The following MDGA2 variants were observed in gnomAD, a reference collection of about 807,000 sequenced individuals.
The protein encoded by MDGA2 is MAM domain containing glycosylphosphatidylinositol anchor 2, also known as MAM domain-containing glycosylphosphatidylinositol anchor protein 2.
A neutral mutation model predicts 117.8 loss-of-function variants in MDGA2; 40 were observed. That is an observed-to-expected ratio of 0.34 (90% CI 0.26 to 0.44). The LOEUF (loss-of-function observed/expected upper bound fraction) is 0.44. Among genes scored for constraint, MDGA2 ranks in the 20% least tolerant of loss-of-function variants. The pLI, the probability that MDGA2 is intolerant of heterozygous loss-of-function variation, is 1.00. For missense variants in MDGA2, 1,123 were observed against 1,250.6 expected (o/e 0.90, Z 1.54); for synonymous variants, 452 against 439.0 (o/e 1.03, Z -0.37).
intron 1 of MDGA2, among the ~76,000 whole-genome samples, chr14:47,374,875 C>T (rs1307218142): frequency 6.6e-6 from 1 of 151,974 alleles, no homozygotes; most frequent in Non-Finnish European, 1.5e-5. Context: ...AAACTCATTA[C>T]TTATCCAAGT....
intron 6 of MDGA2, among the ~76,000 whole-genome samples, chr14:47,073,528 A>G (rs1186193244): frequency 1.3e-5 from 2 of 152,360 alleles, no homozygotes; most frequent in East Asian, 3.9e-4. Context: ...GAGCACTCAC[A>G]GCATGTCTAT....
chr14:47,558,467 A>G (rs945635112), intron 1 of MDGA2, among the ~76,000 whole-genome samples: 1 of 152,248 alleles, frequency 6.6e-6, no homozygotes, highest in African/African-American at 2.4e-5. Flanking sequence ...TTGTACCTCA[A>G]CAAATGAAGA....
In MDGA2 at chr14:47,023,867, GTCATTAT is replaced by G. The variant is rs570768957; in HGVS notation, c.1819+11137_1819+11143del. 4.6e-5 allele frequency among the ~76,000 whole-genome samples: 7 copies of G among 152,036 alleles called. No homozygotes were observed. The East Asian group carries it at 1.4e-3, about 30-fold the overall frequency. ...GATCTGCTTAGCAATGACAGTTTGA[GTCATTAT>G]ATTGCCAAGCAAGAGAGTATAGAGT... is the stretch of plus-strand genomic sequence containing the variant. On this transcript the variant is annotated intron_variant, in intron 8 of 16. Transcript: ENST00000399232.
intron 8 of MDGA2, among the ~76,000 whole-genome samples, chr14:46,969,790 A>AG (rs1886184523): frequency 6.6e-6 from 1 of 151,202 alleles, no homozygotes; most frequent in African/African-American, 2.4e-5. Context: ...GTTGTGGGGT[A>AG]GGGGGAAGGG....
At position 46,846,494 on chromosome 14, in the gene MDGA2, C is replaced by T. The variant is rs150408498; in HGVS notation, c.2884-623G>A. Among the ~76,000 whole-genome samples, 54 of 152,084 alleles carry T rather than the reference C, an allele frequency of 3.6e-4. No individual in the cohort carries two copies. The East Asian group carries it at 8.3e-3, about 23-fold the overall frequency. Reference sequence around the variant, plus strand: ...CAGTCTATTTATGTTGAATATCTCACGGTATACCTTTGAATTTATGGTGTC... The same window carrying T: ...CAGTCTATTTATGTTGAATATCTCATGGTATACCTTTGAATTTATGGTGTC... On this transcript the variant is annotated intron_variant, in intron 15 of 16. Coordinates refer to ENST00000399232, the MANE Select transcript of MDGA2 (RefSeq NM_001113498.3).
At chr14:47,370,791 G>T (rs1182248650) in intron 1 of MDGA2, among the ~76,000 whole-genome samples, 1 of 151,352 alleles carries the variant, frequency 6.6e-6, no homozygotes, top group Non-Finnish European at 1.5e-5. Context: ...GGTGTCCAAT[G>T]ACTTTCAAAC....
chr14:47,356,074 T>C (rs1260532577), intron 1 of MDGA2, among the ~76,000 whole-genome samples: 2 of 152,138 alleles, frequency 1.3e-5, no homozygotes, highest in Non-Finnish European at 2.9e-5. Flanking sequence ...CCTGGCCAAA[T>C]GCTTCTAGGT....
intron 6 of MDGA2, among the ~76,000 whole-genome samples, chr14:47,076,821 G>A (rs537086049): frequency 6.6e-6 from 1 of 152,010 alleles, no homozygotes; most frequent in South Asian, 2.1e-4. Context: ...TTAGGCAATG[G>A]TGCAATACAT....
At chr14:47,294,251 A>G (rs1379742879) in intron 2 of MDGA2, among the ~76,000 whole-genome samples, 4 of 151,528 alleles carry the variant, frequency 2.6e-5, no homozygotes, top group African/African-American at 9.7e-5. Context: ...AAATGTCACC[A>G]CACCTGGCTA....
chr14:47,488,280 T>C (rs1262180200), intron 1 of MDGA2, among the ~76,000 whole-genome samples: 1 of 152,152 alleles, frequency 6.6e-6, no homozygotes, highest in African/African-American at 2.4e-5. Context: ...GTAAAATCTC[T>C]TTACAAAACC....
intron 1 of MDGA2, among the ~76,000 whole-genome samples, chr14:47,501,043 C>A (rs1040650): frequency 6.6e-6 from 1 of 151,784 alleles, no homozygotes; most frequent in African/African-American, 2.4e-5. Flanking sequence ...CTGAAACCAC[C>A]GATGAATTTT....
chr14:46,881,178 A>G (rs537154393), intron 11 of MDGA2, among the ~76,000 whole-genome samples: 27 of 152,266 alleles, frequency 1.8e-4, no homozygotes, highest in Admixed American at 2.6e-4. Flanking sequence ...GAGATTATTC[A>G]ATGATAAAAA....
intron 1 of MDGA2, among the ~76,000 whole-genome samples, chr14:47,415,744 GGAAGTT>G (rs1025565730): frequency 4.6e-5 from 7 of 152,114 alleles, no homozygotes; most frequent in Admixed American, 3.9e-4. Flanking sequence ...TCTGGAGGCT[GGAAGTT>G]TGAGATGAAG....
chr14:46,981,326 C>T (rs1886664654), intron 8 of MDGA2, among the ~76,000 whole-genome samples: 1 of 151,966 alleles, frequency 6.6e-6, no homozygotes, highest in Admixed American at 6.6e-5. Context: ...ATCACTTGAA[C>T]CCAGAAGGCA....
In MDGA2 at chr14:47,176,621, C is replaced by G. The variant is rs1884462080; in HGVS notation, c.596-32347G>C. 2.6e-5 allele frequency among the ~76,000 whole-genome samples: 4 copies of G among 152,282 alleles called. No homozygotes were observed. The South Asian group carries it at 8.3e-4, about 32-fold the overall frequency. ...ATATGTAGAAAGCTGAAACTGGATC[C>G]CTTCCTTACACCTTATACAAAAATT... On this transcript the variant is annotated intron_variant, in intron 3 of 16. Transcript: ENST00000399232.
At chr14:47,576,644 T>C (rs983807246) in intron 1 of MDGA2, among the ~76,000 whole-genome samples, 1 of 152,152 alleles carries the variant, frequency 6.6e-6, no homozygotes, top group African/African-American at 2.4e-5. Context: ...ATGTTAGTAT[T>C]GATAATAACA....
chr14:47,621,962 A>G (rs1214209519), intron 1 of MDGA2, among the ~76,000 whole-genome samples: 1 of 152,252 alleles, frequency 6.6e-6, no homozygotes, highest in African/African-American at 2.4e-5. Context: ...ATGTTGGTTA[A>G]ACATAGTGAT....
At chr14:47,298,253 C>A (rs1889145334) in intron 2 of MDGA2, among the ~76,000 whole-genome samples, 1 of 152,106 alleles carries the variant, frequency 6.6e-6, no homozygotes, top group African/African-American at 2.4e-5. Flanking sequence ...ACCATTGCAT[C>A]GTACTGACCT....
At chr14:47,147,564 C>G (rs1387192654) in intron 3 of MDGA2, among the ~76,000 whole-genome samples, 1 of 152,164 alleles carries the variant, frequency 6.6e-6, no homozygotes, top group African/African-American at 2.4e-5. Context: ...GAGACATAAC[C>G]TTGGGAGGGC....
Sources: allele counts gnomAD v4.1 joint callset (sites outside exome capture counted in the v4.1 genomes callset), GRCh38; gene constraint gnomAD v4.1.1; transcripts MANE v1.5; gene names NCBI Gene and HGNC (gene_info 2026-07-23, HGNC 2026-07-21).